Variants in KIAA0825 observed in about 807,000 individuals in gnomAD.
The protein encoded by KIAA0825 is KIAA0825, also known as uncharacterized protein KIAA0825.
Under a neutral mutation model 147.6 loss-of-function variants are expected in KIAA0825, and 119 were observed. The observed-to-expected ratio is 0.81, with a 90% confidence interval of 0.69 to 0.94. The LOEUF (loss-of-function observed/expected upper bound fraction) is 0.94. Ranked by LOEUF, KIAA0825 falls within the 40% of genes least tolerant of loss-of-function variation. The pLI is 0.00. For missense variants in KIAA0825, 1,381 were observed against 1,472.7 expected, an observed-to-expected ratio of 0.94 and a Z score of 1.02; for synonymous variants, 470 against 518.1, an observed-to-expected ratio of 0.91 and a Z score of 1.26.
chr5:94,355,023 G>T (rs764805591), intron 20 of KIAA0825, among the ~76,000 whole-genome samples: 56 of 152,196 alleles, frequency 3.7e-4, no homozygotes, highest in Non-Finnish European at 6.6e-4. Context: ...CAATTCGAAG[G>T]GGGGCATGGA....
chr5:94,365,157 G>A (rs1290821510), intron 20 of KIAA0825, among the ~76,000 whole-genome samples: 1 of 152,152 alleles, frequency 6.6e-6, no homozygotes, highest in African/African-American at 2.4e-5. Flanking sequence ...TGCACTCCAT[G>A]CATGGATGTG....
At chr5:94,451,170 C>T (rs1396622233) in intron 13 of KIAA0825, among the ~76,000 whole-genome samples, 1 of 152,154 alleles carries the variant, frequency 6.6e-6, no homozygotes, top group East Asian at 1.9e-4. Context: ...TCTCAATTTT[C>T]CCCCTAACTT....
intron 11 of KIAA0825, among the ~76,000 whole-genome samples, chr5:94,463,569 A>G (rs1313458068): frequency 1.3e-5 from 2 of 151,358 alleles, no homozygotes; most frequent in African/African-American, 4.8e-5. Flanking sequence ...ATATATATGG[A>G]GAGACACACA....
At chr5:94,236,746 T>C (rs1470483703) in intron 20 of KIAA0825, among the ~76,000 whole-genome samples, 1 of 152,216 alleles carries the variant, frequency 6.6e-6, no homozygotes, top group African/African-American at 2.4e-5. Context: ...CCACTCTGAC[T>C]AGTTAGCAGC....
intron 20 of KIAA0825, among the ~76,000 whole-genome samples, chr5:94,340,676 T>TCATGATACATATGTTA (rs1610944): frequency 6.6e-6 from 1 of 152,048 alleles, no homozygotes; most frequent in Non-Finnish European, 1.5e-5. Context: ...GTGAAAAAGC[T>TCATGATACATATGTTA]CATGATACAT....
chr5:94,443,941 A>G (rs1298157202), intron 13 of KIAA0825, among the ~76,000 whole-genome samples: 1 of 152,174 alleles, frequency 6.6e-6, no homozygotes. Flanking sequence ...ACTAGCAGAA[A>G]ATTGGAATGG....
At chr5:94,505,076 C>T (rs939412866) in intron 5 of KIAA0825, among the ~76,000 whole-genome samples, 27 of 151,506 alleles carry the variant, frequency 1.8e-4, no homozygotes, top group Non-Finnish European at 2.1e-4. Context: ...AAGTTAATCT[C>T]AGGCCAGGCA....
intron 20 of KIAA0825, among the ~76,000 whole-genome samples, chr5:94,237,691 A>G (rs1467251323): frequency 6.6e-6 from 1 of 152,162 alleles, no homozygotes; most frequent in Admixed American, 6.5e-5. Context: ...AAGGCTCCTT[A>G]TGCTCTTCAC....
At chr5:94,409,081 C>T (rs1752439919) in intron 15 of KIAA0825, among the ~76,000 whole-genome samples, 1 of 152,074 alleles carries the variant, frequency 6.6e-6, no homozygotes, top group East Asian at 1.9e-4. Flanking sequence ...CACTGAGAGT[C>T]CTTCACTTTT....
intron 5 of KIAA0825, among the ~76,000 whole-genome samples, chr5:94,491,407 C>T (rs375937633): frequency 2.0e-5 from 3 of 152,158 alleles, no homozygotes; most frequent in Non-Finnish European, 2.9e-5. Flanking sequence ...ACCCAAGTCA[C>T]TTCCTGAGAG....
intron 3 of KIAA0825, among the ~76,000 whole-genome samples, chr5:94,535,316 C>T (rs546225457): frequency 6.6e-6 from 1 of 151,862 alleles, no homozygotes; most frequent in East Asian, 1.9e-4. Flanking sequence ...TCGAGACTAG[C>T]CTGGCCAATG....
At chr5:94,414,603 C>G (rs1156550040) in intron 15 of KIAA0825, 1 of 152,132 alleles carries the variant, frequency 6.6e-6, no homozygotes, top group Non-Finnish European at 1.5e-5. Context: ...AGTATAAAAT[C>G]AGATTGTATA....
chr5:94,392,770 T>A (rs577339175), intron 17 of KIAA0825, among the ~76,000 whole-genome samples: 13 of 152,162 alleles, frequency 8.5e-5, no homozygotes, highest in Non-Finnish European at 1.8e-4. Flanking sequence ...TGCTGGACAT[T>A]AACTTTGATA....
At chr5:94,422,573 G>A (rs1488622614) in intron 14 of KIAA0825, among the ~76,000 whole-genome samples, 1 of 152,078 alleles carries the variant, frequency 6.6e-6, no homozygotes, top group East Asian at 1.9e-4. Flanking sequence ...ACCTTGCAAT[G>A]GGTGAGGAAA....
At chr5:94,515,392 T>C (rs1270708370) in intron 5 of KIAA0825, among the ~76,000 whole-genome samples, 6 of 152,236 alleles carry the variant, frequency 3.9e-5, no homozygotes, top group Admixed American at 2.6e-4. Context: ...AAAATGCTAA[T>C]TGTAAATTTC....
intron 5 of KIAA0825, among the ~76,000 whole-genome samples, chr5:94,511,762 T>C (rs1454058687): frequency 6.6e-6 from 1 of 151,958 alleles, no homozygotes; most frequent in Admixed American, 6.6e-5. Context: ...CCAAGGCAAG[T>C]GGATCTCCTG....
At chr5:94,552,667 G>A (rs1775760997) in intron 2 of KIAA0825, among the ~76,000 whole-genome samples, 1 of 152,180 alleles carries the variant, frequency 6.6e-6, no homozygotes, top group Admixed American at 6.5e-5. Flanking sequence ...AATGGGTGAA[G>A]AAAGATATTA....
At chr5:94,519,866 T>TTA in intron 5 of KIAA0825, 1 of 577,922 alleles carries the variant, frequency 1.7e-6, no homozygotes, top group Non-Finnish European at 2.2e-6. Context: ...GTATATGTGC[T>TTA]TATATATATG....
chr5:94,217,127 A>G (rs984610279), intron 20 of KIAA0825, among the ~76,000 whole-genome samples: 2 of 152,210 alleles, frequency 1.3e-5, no homozygotes, highest in African/African-American at 4.8e-5. Context: ...TGAAGCAACT[A>G]TTCAAACATT....
Sources: gnomAD v4.1 joint callset for allele counts (sites outside exome capture counted in the v4.1 genomes callset) on GRCh38, gnomAD v4.1.1 for gene constraint, MANE v1.5 for transcripts, NCBI Gene and HGNC (gene_info 2026-07-23, HGNC 2026-07-21) for gene names.